PTPRD: variants seen among roughly 807,000 people sequenced by gnomAD.
The protein encoded by PTPRD is receptor-type tyrosine-protein phosphatase delta.
In PTPRD, 34 loss-of-function variants were observed where a neutral mutation model predicts 214.5. That is an observed-to-expected ratio of 0.16 (90% CI 0.12 to 0.21). PTPRD has a LOEUF of 0.21. Ranked by LOEUF, PTPRD falls within the 10% of genes least tolerant of loss-of-function variation. The pLI is 1.00. For missense variants in PTPRD, 2,545 were observed against 2,398.7 expected, an observed-to-expected ratio of 1.06 and a Z score of -1.27; for synonymous variants, 1,128 against 845.7, an observed-to-expected ratio of 1.33 and a Z score of -5.79.
chr9:10,511,040 C>A (rs180839527), intron 2 of PTPRD, among the ~76,000 whole-genome samples: 2 of 127,280 alleles, frequency 1.6e-5, no homozygotes, highest in Admixed American at 1.4e-4. Flanking sequence ...ATGATTCATA[C>A]ATGTTATTGT....
At chr9:8,509,648 C>T (rs1420645107) in intron 21 of PTPRD, among the ~76,000 whole-genome samples, 1 of 152,178 alleles carries the variant, frequency 6.6e-6, no homozygotes, top group Non-Finnish European at 1.5e-5. Flanking sequence ...ACCTAATTAA[C>T]TTTTTCTTAC....
intron 5 of PTPRD, among the ~76,000 whole-genome samples, chr9:9,908,378 G>A (rs1334215375): frequency 6.6e-6 from 1 of 151,962 alleles, no homozygotes; most frequent in Non-Finnish European, 1.5e-5. Context: ...GAACAGGTGG[G>A]AAGGGGTCTC....
chr9:9,834,915 T>C (rs1225765309), intron 5 of PTPRD, among the ~76,000 whole-genome samples: 1 of 152,056 alleles, frequency 6.6e-6, no homozygotes. Context: ...TAAATAAATA[T>C]TAACCTAACA....
At chr9:8,725,599 A>T (rs2098548504) in intron 12 of PTPRD, among the ~76,000 whole-genome samples, 1 of 152,218 alleles carries the variant, frequency 6.6e-6, no homozygotes, top group Non-Finnish European at 1.5e-5. Flanking sequence ...GAAATGACAC[A>T]AACTAATGAG....
chr9:9,137,058 A>G (rs1455955013), intron 10 of PTPRD, among the ~76,000 whole-genome samples: 1 of 152,148 alleles, frequency 6.6e-6, no homozygotes, highest in Non-Finnish European at 1.5e-5. Context: ...CAAAAGCCCC[A>G]CTTTACATGA....
intron 10 of PTPRD, among the ~76,000 whole-genome samples, chr9:9,030,009 T>C (rs1054725085): frequency 1.3e-5 from 2 of 151,798 alleles, no homozygotes; most frequent in Non-Finnish European, 2.9e-5. Flanking sequence ...CATTTGATGG[T>C]TGAAAATGGA....
chr9:9,497,826 G>C (rs2154218132), intron 8 of PTPRD, among the ~76,000 whole-genome samples: 1 of 152,232 alleles, frequency 6.6e-6, no homozygotes, highest in East Asian at 1.9e-4. Context: ...GTTATGGAAT[G>C]AAACTCTGGA....
intron 11 of PTPRD, among the ~76,000 whole-genome samples, chr9:8,913,998 C>G (rs1293465678): frequency 3.3e-5 from 5 of 152,074 alleles, no homozygotes; most frequent in Non-Finnish European, 7.4e-5. Context: ...TGCTGTTATT[C>G]TCAGAGAACG....
At chr9:9,565,136 A>C (rs2154295674) in intron 8 of PTPRD, among the ~76,000 whole-genome samples, 1 of 151,784 alleles carries the variant, frequency 6.6e-6, no homozygotes, top group East Asian at 1.9e-4. Context: ...TATGTGTAAA[A>C]GGTTTTGTAA....
At chr9:9,711,959 CA>C (rs2097742207) in intron 7 of PTPRD, among the ~76,000 whole-genome samples, 1 of 152,146 alleles carries the variant, frequency 6.6e-6, no homozygotes, top group Non-Finnish European at 1.5e-5. Context: ...TCCCTGGGCA[CA>C]AATACTGTCA....
intron 2 of PTPRD, among the ~76,000 whole-genome samples, chr9:10,353,566 T>A (rs1479609878): frequency 2.0e-5 from 3 of 151,824 alleles, no homozygotes; most frequent in Non-Finnish European, 2.9e-5. Flanking sequence ...AGAGGATGAG[T>A]AAAAATTTTC....
intron 2 of PTPRD, among the ~76,000 whole-genome samples, chr9:10,393,648 T>G (rs2098114475): frequency 6.8e-6 from 1 of 147,724 alleles, no homozygotes; most frequent in Non-Finnish European, 1.5e-5. Flanking sequence ...TATATATATA[T>G]TAGAGAGAGA....
At chr9:8,821,160 T>C (rs746241744) in intron 11 of PTPRD, among the ~76,000 whole-genome samples, 19 of 152,194 alleles carry the variant, frequency 1.2e-4, no homozygotes, top group Non-Finnish European at 2.6e-4. Flanking sequence ...TCTTGAACTA[T>C]GGGGTTTAAG....
intron 44 of PTPRD, 39 bp from the exon 45 acceptor site, chr9:8,320,005 T>A (rs2130730053): frequency 6.2e-7 from 1 of 1,603,806 alleles, no homozygotes; most frequent in Non-Finnish European, 8.5e-7. Flanking sequence ...GGGTGAGATG[T>A]TCACAGTCTT....
At chr9:9,987,436 C>T (rs1588226548) in intron 4 of PTPRD, among the ~76,000 whole-genome samples, 1 of 152,048 alleles carries the variant, frequency 6.6e-6, no homozygotes, top group Admixed American at 6.6e-5. Context: ...GAGCAAGTCA[C>T]GTCTAACATG....
intron 3 of PTPRD, among the ~76,000 whole-genome samples, chr9:10,228,156 C>A (rs75260632): frequency 0.66 from 100,312 of 151,422 alleles, 35,743 homozygotes; most frequent in Non-Finnish European, 0.79. Context: ...ACTTCATTTC[C>A]AATAAAATCT....
intron 2 of PTPRD, 108 bp downstream of exon 2, chr9:10,612,290 C>G (rs2081255864): frequency 6.6e-6 from 1 of 151,536 alleles, no homozygotes; most frequent in Non-Finnish European, 1.5e-5. Flanking sequence ...TCAAGTTATT[C>G]CCAGGTAAAA....
intron 35 of PTPRD, among the ~76,000 whole-genome samples, chr9:8,432,883 G>C (rs2095146403): frequency 6.6e-6 from 1 of 152,212 alleles, no homozygotes. Context: ...CAGGTCCACA[G>C]CTAAGCCTAC....
chr9:10,564,950 A>G (rs2065160389), intron 2 of PTPRD, among the ~76,000 whole-genome samples: 1 of 152,162 alleles, frequency 6.6e-6, no homozygotes, highest in Non-Finnish European at 1.5e-5. Flanking sequence ...AGTTGACTAT[A>G]TTAGGGCATG....
Sources: allele counts gnomAD v4.1 joint callset (sites outside exome capture counted in the v4.1 genomes callset), GRCh38; gene constraint gnomAD v4.1.1; transcripts MANE v1.5; gene names NCBI Gene and HGNC (gene_info 2026-07-23, HGNC 2026-07-21).